Variants in CCDC6 observed in about 807,000 individuals in gnomAD.
CCDC6 encodes the protein coiled-coil domain containing 6.
Under a neutral mutation model 56.6 loss-of-function variants are expected in CCDC6, and 20 were observed. The observed-to-expected ratio is 0.35, with a 90% CI of 0.25 to 0.51. The LOEUF (loss-of-function observed/expected upper bound fraction) is 0.51. Among genes scored for constraint, CCDC6 ranks in the 20% least tolerant of loss-of-function variants. The pLI is 0.95. For synonymous variants in CCDC6, 241 were observed against 234.4 expected, an observed-to-expected ratio of 1.03 and a Z score of -0.26; for missense variants, 367 against 601.1, an observed-to-expected ratio of 0.61 and a Z score of 4.07.
intron 1 of CCDC6, among the ~76,000 whole-genome samples, chr10:59,888,550 A>G (rs1444944587): frequency 1.3e-5 from 2 of 152,224 alleles, no homozygotes; most frequent in Non-Finnish European, 2.9e-5. Flanking sequence ...GAGGAAGGTT[A>G]GAGCTGGGGC....
intron 1 of CCDC6, among the ~76,000 whole-genome samples, chr10:59,872,306 T>A (rs1256441230): frequency 6.6e-6 from 1 of 152,240 alleles, no homozygotes; most frequent in Non-Finnish European, 1.5e-5. Context: ...GCTAGCTGGA[T>A]GTTTCTTCCA....
intron 2 of CCDC6, among the ~76,000 whole-genome samples, chr10:59,847,585 T>C (rs562979268): frequency 6.6e-6 from 1 of 152,262 alleles, no homozygotes; most frequent in East Asian, 1.9e-4. Flanking sequence ...AGCAGGACTC[T>C]GAGCTCTCTA....
intron 6 of CCDC6, among the ~76,000 whole-genome samples, chr10:59,806,039 G>A (rs1589035739): frequency 6.6e-6 from 1 of 152,238 alleles, no homozygotes; most frequent in East Asian, 1.9e-4. Flanking sequence ...TCCTGCTGGA[G>A]GGACCCCCAA....
At chr10:59,895,267 A>AC (rs2071453526) in intron 1 of CCDC6, among the ~76,000 whole-genome samples, 1 of 152,216 alleles carries the variant, frequency 6.6e-6, no homozygotes, top group South Asian at 2.1e-4. Flanking sequence ...GCACCACTGC[A>AC]CTGCAGCCTG....
intron 1 of CCDC6, among the ~76,000 whole-genome samples, chr10:59,883,264 A>G (rs754525747): frequency 7.9e-5 from 12 of 152,238 alleles, no homozygotes; most frequent in Admixed American, 3.3e-4. Context: ...AAGTATAGCA[A>G]TGAGTGAAAT....
intron 1 of CCDC6, among the ~76,000 whole-genome samples, chr10:59,897,401 G>T (rs1310903551): frequency 6.6e-6 from 1 of 151,926 alleles, no homozygotes; most frequent in Non-Finnish European, 1.5e-5. Context: ...TTACAGGCAT[G>T]CACCACCATG....
intron 1 of CCDC6, among the ~76,000 whole-genome samples, chr10:59,905,075 T>C (rs2132692119): frequency 6.6e-6 from 1 of 152,354 alleles, no homozygotes; most frequent in Middle Eastern, 3.4e-3. Context: ...TCTCTGCTTC[T>C]GGCTGGGGAA....
intron 2 of CCDC6, among the ~76,000 whole-genome samples, chr10:59,843,032 C>T (rs565383421): frequency 4.0e-5 from 6 of 151,730 alleles, no homozygotes; most frequent in Non-Finnish European, 7.4e-5. Context: ...GAATTACAAG[C>T]GTGAGCCACC....
intron 7 of CCDC6, among the ~76,000 whole-genome samples, chr10:59,797,960 G>C (rs962104456): frequency 3.9e-5 from 6 of 152,150 alleles, no homozygotes; most frequent in African/African-American, 1.4e-4. Flanking sequence ...CATATTTTGA[G>C]AACATCTAAA....
chr10:59,828,482 G>C (rs2070807523), intron 3 of CCDC6, among the ~76,000 whole-genome samples: 1 of 152,220 alleles, frequency 6.6e-6, no homozygotes, highest in African/African-American at 2.4e-5. Context: ...AATGCAGGCT[G>C]TTTGAACAGG....
intron 1 of CCDC6, among the ~76,000 whole-genome samples, chr10:59,860,564 C>A (rs1383669161): frequency 6.6e-6 from 1 of 152,038 alleles, no homozygotes; most frequent in Non-Finnish European, 1.5e-5. Context: ...AGCAAGAACA[C>A]CGAGGAAAGT....
intron 1 of CCDC6, among the ~76,000 whole-genome samples, chr10:59,862,870 C>A (rs957555230): frequency 1.3e-5 from 2 of 152,046 alleles, no homozygotes; most frequent in African/African-American, 4.8e-5. Context: ...TGTAGCAATT[C>A]TACTACGAGG....
intron 2 of CCDC6, among the ~76,000 whole-genome samples, chr10:59,835,082 T>C (rs1172646549): frequency 6.6e-6 from 1 of 152,264 alleles, no homozygotes; most frequent in Non-Finnish European, 1.5e-5. Context: ...GATGATAAGC[T>C]TAAGTCTTAA....
chr10:59,797,157 G>C (rs1412899505), intron 7 of CCDC6, among the ~76,000 whole-genome samples: 1 of 152,050 alleles, frequency 6.6e-6, no homozygotes, highest in African/African-American at 2.4e-5. Flanking sequence ...GTCACAGAAG[G>C]ACAAATCCTG....
chr10:59,821,214 T>C (rs1195952143), intron 3 of CCDC6, among the ~76,000 whole-genome samples: 1 of 152,200 alleles, frequency 6.6e-6, no homozygotes, highest in African/African-American at 2.4e-5. Context: ...ATTGTACCTA[T>C]ATATTGGAAA....
intron 1 of CCDC6, among the ~76,000 whole-genome samples, chr10:59,865,573 G>A (rs1392395900): frequency 6.6e-6 from 1 of 152,184 alleles, no homozygotes; most frequent in African/African-American, 2.4e-5. Flanking sequence ...TATGATTCTA[G>A]CTGGGCACGG....
chr10:59,838,799 C>T (rs2070908769), intron 2 of CCDC6, among the ~76,000 whole-genome samples: 1 of 152,154 alleles, frequency 6.6e-6, no homozygotes, highest in African/African-American at 2.4e-5. Flanking sequence ...TGCCCACATG[C>T]CCCACTCATG....
chr10:59,814,840 T>G, intron 3 of CCDC6, 85 bp from the exon 4 acceptor site: 1 of 848,094 alleles, frequency 1.2e-6, no homozygotes, highest in Non-Finnish European at 2.0e-6. Flanking sequence ...TTAGGACCCC[T>G]TTTCTTGGAG....
intron 1 of CCDC6, among the ~76,000 whole-genome samples, chr10:59,890,426 T>C (rs1227103755): frequency 6.6e-6 from 1 of 152,158 alleles, no homozygotes; most frequent in African/African-American, 2.4e-5. Context: ...TGCGTCGGCT[T>C]CTTCTCAGAC....
Sources: allele counts gnomAD v4.1 joint callset (sites outside exome capture counted in the v4.1 genomes callset), GRCh38; gene constraint gnomAD v4.1.1; transcripts MANE v1.5; gene names NCBI Gene and HGNC (gene_info 2026-07-23, HGNC 2026-07-21).